Variants in ACADM observed in about 807,000 individuals in gnomAD.
ACADM encodes the protein medium-chain specific acyl-CoA dehydrogenase, mitochondrial.
ACADM carries 49 observed loss-of-function variants against 58.9 expected under a neutral mutation model. The ratio of observed to expected loss-of-function variants is 0.83; its 90% CI spans 0.66 to 1.06. The LOEUF (loss-of-function observed/expected upper bound fraction) is 1.06, where lower values mean the gene tolerates loss of function less well. Among genes scored for constraint, ACADM ranks in the 50% least tolerant of loss-of-function variants. The pLI is 0.00. For synonymous variants in ACADM, 160 were observed against 157.7 expected, an observed-to-expected ratio of 1.01 and a Z score of -0.11; for missense variants, 496 against 507.0, an observed-to-expected ratio of 0.98 and a Z score of 0.21.
intron 6 of ACADM, 41 bp from the exon 7 acceptor site, chr1:75,739,939 C>A: frequency 6.8e-7 from 1 of 1,475,990 alleles, no homozygotes. Flanking sequence ...AATTTAATCA[C>A]TAACATTTAA....
chr1:75,744,463 TCA>T, intron 7 of ACADM: 1 of 1,530,984 alleles, frequency 6.5e-7, no homozygotes, highest in Non-Finnish European at 9.1e-7. Context: ...AGTTTCAATC[TCA>T]CAAACCACTT....
chr1:75,745,808 A>T lies in ACADM; in HGVS notation c.602A>T (p.Tyr201Phe), dbSNP rs875989871. Residue 201 changes from tyrosine (Y) to phenylalanine (F), a missense_variant and splice_region_variant, in exon 8 of 12, where the codon TAT (tyrosine) becomes TTT (phenylalanine). Coordinates refer to ENST00000370841, the MANE Select transcript of ACADM (RefSeq NM_000016.6). ...TATCCGGTATGTGTATCTCTTAGGTATTTTTTATTGGCACGTTCTGATCCA... is the reference window on the plus strand; with the variant it reads ...TATCCGGTATGTGTATCTCTTAGGTTTTTTTTATTGGCACGTTCTGATCCA... ...WITNGGKANW[Y>F]FLLARSDPDP... 1 of 1,610,746 alleles carries T rather than the reference A, an allele frequency of 6.2e-7. No individual in the cohort carries two copies.
intron 5 of ACADM, among the ~76,000 whole-genome samples, 163 bp downstream of exon 5, chr1:75,733,791 G>C (rs1044280676): frequency 5.9e-5 from 9 of 152,218 alleles, no homozygotes; most frequent in Middle Eastern, 3.2e-3. Context: ...ACAAGATTCA[G>C]CAGTGAAGCC....
intron 9 of ACADM, 109 bp downstream of exon 9, chr1:75,749,668 C>A: frequency 1.1e-6 from 1 of 948,604 alleles, no homozygotes; most frequent in Non-Finnish European, 1.5e-6. Flanking sequence ...TTAATATCTG[C>A]TTATTTTATT....
At chr1:75,735,195 A>C (rs1406276129) in intron 6 of ACADM, among the ~76,000 whole-genome samples, 1 of 151,856 alleles carries the variant, frequency 6.6e-6, no homozygotes, top group Non-Finnish European at 1.5e-5. Context: ...GCCTGCCTAT[A>C]ATCCCAGCTG....
At chr1:75,744,381 T>A in intron 7 of ACADM, 1 of 1,550,640 alleles carries the variant, frequency 6.4e-7, no homozygotes, top group Non-Finnish European at 8.9e-7. Flanking sequence ...CTTCGACTTT[T>A]CCCCCATCAG....
At chr1:75,730,795 A>G (rs986962627) in intron 2 of ACADM, among the ~76,000 whole-genome samples, 1 of 152,036 alleles carries the variant, frequency 6.6e-6, no homozygotes, top group African/African-American at 2.4e-5. Flanking sequence ...CCAAAATTCT[A>G]GAATTATAGG....
intron 1 of ACADM, among the ~76,000 whole-genome samples, chr1:75,726,908 G>T (rs1378129965): frequency 1.3e-5 from 2 of 150,416 alleles, no homozygotes; most frequent in Non-Finnish European, 2.9e-5. Context: ...GGGTTCAAGC[G>T]ATTCTCCTGC....
chr1:75,728,600 C>A, intron 2 of ACADM, 112 bp downstream of exon 2: 2 of 772,672 alleles, frequency 2.6e-6, no homozygotes, highest in Non-Finnish European at 4.4e-6. Context: ...ATGAGTAGAA[C>A]CAGTCCACTG....
chr1:75,731,023 G>A (rs993083046), intron 2 of ACADM, among the ~76,000 whole-genome samples: 4 of 151,828 alleles, frequency 2.6e-5, no homozygotes, highest in Non-Finnish European at 4.4e-5. Context: ...GCAGTGGCTC[G>A]GGCCTGTAAT....
At chr1:75,749,389 T>G in intron 8 of ACADM, 30 bp from the exon 9 acceptor site, 1 of 1,611,188 alleles carries the variant, frequency 6.2e-7, no homozygotes, top group Admixed American at 1.7e-5. Flanking sequence ...TCAAAAAAAA[T>G]TCCTTAAAAT....
intron 10 of ACADM, among the ~76,000 whole-genome samples, chr1:75,752,051 C>T (rs1648237258): frequency 6.8e-6 from 1 of 146,768 alleles, no homozygotes; most frequent in Admixed American, 6.9e-5. Flanking sequence ...TGCAATGGTG[C>T]AGTCATGGCT....
At chr1:75,733,244 T>C (rs1647183058) in intron 4 of ACADM, 2 of 1,516,106 alleles carry the variant, frequency 1.3e-6, no homozygotes, top group Admixed American at 2.1e-5. Flanking sequence ...CCATGATTCT[T>C]TTCCTCAGAC....
chr1:75,745,719 G>C (rs551594378), intron 7 of ACADM, 87 bp from the exon 8 acceptor site: 1 of 1,001,516 alleles, frequency 1.0e-6, no homozygotes, highest in Admixed American at 1.7e-5. Context: ...ATAATAATTG[G>C]GATTGTTAAG....
At chr1:75,752,893 G>T (rs1016375330) in intron 10 of ACADM, among the ~76,000 whole-genome samples, 3 of 152,036 alleles carry the variant, frequency 2.0e-5, no homozygotes, top group Admixed American at 6.6e-5. Flanking sequence ...TTAGAAATTG[G>T]CTTTTGTACT....
At position 75,728,387 on chromosome 1, in the gene ACADM, A is replaced by T; in HGVS notation, c.31-14A>T. 6.2e-7 allele frequency: 1 copy of T among 1,602,934 alleles called. No individual in the cohort carries two copies. Among genetic ancestry groups the T allele is most frequent in the Middle Eastern group, 1.7e-4 (1 of 6,034 alleles). On this transcript the variant is annotated splice_polypyrimidine_tract_variant and intron_variant, in intron 1 of 11. Coordinates refer to ENST00000370841, the MANE Select transcript of ACADM (RefSeq NM_000016.6). ...AACTTATCAAATTTATTTTAATAAA[A>T]GTGTTCTTTACAGGTCCTGAGAAGT...
chr1:75,751,493 C>CTTTTTT (rs370953741), intron 10 of ACADM, among the ~76,000 whole-genome samples: 1 of 144,236 alleles, frequency 6.9e-6, no homozygotes. Flanking sequence ...AGGATCCTTG[C>CTTTTTT]TTTTTTTTTT....
At chr1:75,751,448 T>G (rs929325160) in intron 10 of ACADM, among the ~76,000 whole-genome samples, 1 of 151,938 alleles carries the variant, frequency 6.6e-6, no homozygotes, top group Non-Finnish European at 1.5e-5. Flanking sequence ...TTAAATGATT[T>G]GTCCAAGGCC....
chr1:75,745,807 T>C lies in ACADM; in HGVS notation c.601T>C (p.Tyr201His). 3 of 1,608,856 alleles carry C rather than the reference T, an allele frequency of 1.9e-6. No homozygotes were observed. The highest frequency in any genetic ancestry group is 2.6e-6 in the Non-Finnish European group (3 of 1,175,328). The change falls in exon 8 of 12, where the codon TAT becomes CAT. Residue 201 changes from tyrosine (Y) to histidine (H), a missense_variant and splice_region_variant. Tyr to His is a moderately conservative substitution (Grantham distance 83, BLOSUM62 2). Transcript: ENST00000370841. ...TTATCCGGTATGTGTATCTCTTAGG[T>C]ATTTTTTATTGGCACGTTCTGATCC... is the stretch of plus-strand genomic sequence containing the variant. ...WITNGGKANW[Y>H]FLLARSDPDP...
Sources: gnomAD v4.1 joint callset for allele counts (sites outside exome capture counted in the v4.1 genomes callset) on GRCh38, gnomAD v4.1.1 for gene constraint, MANE v1.5 for transcripts, NCBI Gene and HGNC (gene_info 2026-07-23, HGNC 2026-07-21) for gene names.